The following ASH1L variants were observed in gnomAD, a reference collection of about 807,000 sequenced individuals.
The protein encoded by ASH1L is histone-lysine N-methyltransferase ASH1L.
ASH1L carries 23 observed loss-of-function variants against 269.0 expected under a neutral mutation model. The observed-to-expected ratio is 0.09, with a 90% CI of 0.06 to 0.12. The LOEUF is 0.12. Among genes scored for constraint, ASH1L ranks in the 10% least tolerant of loss-of-function variants. The pLI, the probability that ASH1L is intolerant of heterozygous loss-of-function variation, is 1.00. For missense variants in ASH1L, 2,912 were observed against 3,567.8 expected (o/e 0.82, Z 4.68); for synonymous variants, 1,187 against 1,253.5 (o/e 0.95, Z 1.12).
At chr1:155,356,825 G>A (rs1654431921) in intron 15 of ASH1L, among the ~76,000 whole-genome samples, 2 of 151,522 alleles carry the variant, frequency 1.3e-5, no homozygotes, top group Non-Finnish European at 2.9e-5. Context: ...GTGCTGGCTC[G>A]TATCTGTAAT....
chr1:155,554,738 T>C (rs1197783952), intron 1 of ASH1L, among the ~76,000 whole-genome samples: 1 of 152,174 alleles, frequency 6.6e-6, no homozygotes, highest in Non-Finnish European at 1.5e-5. Context: ...GTATGTCTTT[T>C]CCCCACACCT....
intron 10 of ASH1L, 40 bp from the exon 11 acceptor site, chr1:155,371,023 T>C (rs1043596927): frequency 6.3e-7 from 1 of 1,576,538 alleles, no homozygotes; most frequent in East Asian, 2.2e-5. Flanking sequence ...ACTTACATGA[T>C]ACATACCTTG....
rs186521067 is a variant in ASH1L at position 155,384,737 on chromosome 1, G to A, written c.6104-4621C>T. On this transcript the variant is annotated intron_variant, in intron 7 of 27. Coordinates refer to ENST00000392403, the MANE Select transcript of ASH1L (RefSeq NM_018489.3). ...GTACTGAAATGTGATTATGTGTCTCGGCATATATTTGTTTGAGTTTATCCT... is the reference window on the plus strand; with the variant it reads ...GTACTGAAATGTGATTATGTGTCTCAGCATATATTTGTTTGAGTTTATCCT... Among the ~76,000 whole-genome samples, 34 of 152,050 alleles carry A rather than the reference G, an allele frequency of 2.2e-4. No individual in the cohort carries two copies. In the East Asian group the frequency reaches 4.3e-3, roughly 19 times the overall value.
intron 3 of ASH1L, among the ~76,000 whole-genome samples, chr1:155,469,502 A>G (rs1019482373): frequency 5.3e-5 from 8 of 152,230 alleles, no homozygotes; most frequent in Admixed American, 3.9e-4. Flanking sequence ...TCTTGACTAT[A>G]ATAAACTCAC....
At chr1:155,379,094 A>T (rs956833764) in intron 8 of ASH1L, among the ~76,000 whole-genome samples, 1 of 151,988 alleles carries the variant, frequency 6.6e-6, no homozygotes, top group Non-Finnish European at 1.5e-5. Context: ...AGAAGATATT[A>T]GAAAGAAAAA....
chr1:155,512,873 A>G (rs1332306045), intron 2 of ASH1L, among the ~76,000 whole-genome samples: 1 of 151,798 alleles, frequency 6.6e-6, no homozygotes, highest in East Asian at 2.0e-4. Flanking sequence ...CAGCCTGGGC[A>G]ACATAAGGAG....
At chr1:155,357,132 TTAAAA>T (rs1434923131) in intron 15 of ASH1L, among the ~76,000 whole-genome samples, 179 bp downstream of exon 15, 3 of 6,630 alleles carry the variant, frequency 4.5e-4, no homozygotes, top group East Asian at 0.04. Context: ...AGGGTAAGAC[TTAAAA>T]AAAAAAAAAA....
chr1:155,451,211 A>G (rs1198762996), intron 4 of ASH1L, among the ~76,000 whole-genome samples: 3 of 151,590 alleles, frequency 2.0e-5, no homozygotes, highest in Non-Finnish European at 2.9e-5. Context: ...AAAAAAAAAA[A>G]AAAGAAATAA....
chr1:155,525,923 C>T (rs1669217768), intron 1 of ASH1L, among the ~76,000 whole-genome samples: 1 of 152,050 alleles, frequency 6.6e-6, no homozygotes, highest in Admixed American at 6.6e-5. Flanking sequence ...GAAATCATCT[C>T]TGGATTACTT....
intron 1 of ASH1L, among the ~76,000 whole-genome samples, chr1:155,558,563 A>G (rs1350286559): frequency 6.6e-6 from 1 of 152,166 alleles, no homozygotes; most frequent in Non-Finnish European, 1.5e-5. Context: ...TTTTTTAAAG[A>G]GACAGTGTTT....
intron 7 of ASH1L, among the ~76,000 whole-genome samples, 158 bp downstream of exon 7, chr1:155,395,301 G>A (rs1296960318): frequency 1.3e-5 from 2 of 152,156 alleles, no homozygotes; most frequent in South Asian, 2.1e-4. Flanking sequence ...ATCAAACAGT[G>A]TATAAAATTC....
chr1:155,431,830 G>T (rs1661632392), intron 5 of ASH1L, among the ~76,000 whole-genome samples: 1 of 152,110 alleles, frequency 6.6e-6, no homozygotes. Flanking sequence ...TGCTCAGGCT[G>T]TCTTGAACTC....
intron 3 of ASH1L, among the ~76,000 whole-genome samples, chr1:155,468,241 T>TC (rs71080706): frequency 0.012 from 1,866 of 151,518 alleles, 19 homozygotes; most frequent in Non-Finnish European, 0.02. Flanking sequence ...ATTTTTTTTT[T>TC]CTGCTTAGAT....
At position 155,343,070 on chromosome 1, in the gene ASH1L, G is replaced by C. The variant is rs929197805; in HGVS notation, c.8293+244C>G. 24 of 402,304 alleles carry C rather than the reference G, an allele frequency of 6.0e-5. No individual in the cohort carries two copies. Among genetic ancestry groups the C allele is most frequent in the Non-Finnish European group, 1.0e-4 (23 of 224,484 alleles). 24.9% of individuals were successfully genotyped at this position (402,304 alleles called of 1,614,324 possible). On this transcript the variant is annotated intron_variant, in intron 24 of 27. Coordinates refer to ENST00000392403, the MANE Select transcript of ASH1L (RefSeq NM_018489.3). This position sits in a 1 kb window ranked among gnomAD's most constrained non-coding sequence, Gnocchi z 6.1. ...TCTGTTGCACAGGTTGGAGTGCAGTGGTGCGATCTTGGCTCACTGCAACCT... is the reference window on the plus strand; with the variant it reads ...TCTGTTGCACAGGTTGGAGTGCAGTCGTGCGATCTTGGCTCACTGCAACCT...
chr1:155,473,477 T>C lies in ASH1L; in HGVS notation c.4984+4409A>G, dbSNP rs1665272171. 4.6e-5 allele frequency among the ~76,000 whole-genome samples: 7 copies of C among 151,824 alleles called. 1 individual carries two copies. The South Asian group carries it at 1.5e-3, about 32-fold the overall frequency. On this transcript the variant is annotated intron_variant, in intron 3 of 27. Coordinates refer to ENST00000392403, the MANE Select transcript of ASH1L (RefSeq NM_018489.3). ...TTCCTGGAAGGTTAATGCCTATATTTATTGTAGTATTTCTATTTTTTTTTT... is the reference window on the plus strand; with the variant it reads ...TTCCTGGAAGGTTAATGCCTATATTCATTGTAGTATTTCTATTTTTTTTTT...
At chr1:155,387,075 G>C (rs1315400237) in intron 7 of ASH1L, among the ~76,000 whole-genome samples, 1 of 151,874 alleles carries the variant, frequency 6.6e-6, no homozygotes, top group Non-Finnish European at 1.5e-5. Context: ...CAGGGTTCAA[G>C]TGATTCTCAT....
intron 2 of ASH1L, among the ~76,000 whole-genome samples, chr1:155,505,948 C>T (rs1489733451): frequency 1.3e-5 from 2 of 152,116 alleles, no homozygotes; most frequent in African/African-American, 4.8e-5. Flanking sequence ...ATTAACTCGT[C>T]ATTTACATTA....
intron 5 of ASH1L, among the ~76,000 whole-genome samples, chr1:155,434,503 TAAAAAA>T (rs777553969): frequency 9.8e-4 from 69 of 70,218 alleles, no homozygotes; most frequent in African/African-American, 3.6e-3. Flanking sequence ...TGGGACACAG[TAAAAAA>T]AAAAAAAAAA....
chr1:155,509,461 A>T (rs918853036), intron 2 of ASH1L, among the ~76,000 whole-genome samples: 1 of 152,222 alleles, frequency 6.6e-6, no homozygotes, highest in Non-Finnish European at 1.5e-5. Flanking sequence ...AGTGTATGAC[A>T]AAGCAGCCTC....
Sources: allele counts gnomAD v4.1 joint callset (sites outside exome capture counted in the v4.1 genomes callset), GRCh38; gene constraint gnomAD v4.1.1; non-coding constraint Gnocchi (gnomAD v3.1); transcripts MANE v1.5; gene names NCBI Gene and HGNC (gene_info 2026-07-23, HGNC 2026-07-21).